GALNT13: variants seen among roughly 807,000 people sequenced by gnomAD.
GALNT13 encodes UDP-GalNAc:polypeptide N-acetylgalactosaminyltransferase 13.
A neutral mutation model predicts 64.2 loss-of-function variants in GALNT13; 28 were observed. The observed-to-expected ratio is 0.44, with a 90% confidence interval of 0.32 to 0.60. The LOEUF (loss-of-function observed/expected upper bound fraction) is 0.60, where lower values mean the gene tolerates loss of function less well. Ranked by LOEUF, GALNT13 falls within the 20% of genes least tolerant of loss-of-function variation. The pLI is 0.05. For missense variants in GALNT13, 577 were observed against 669.8 expected (o/e 0.86, Z 1.53); for synonymous variants, 214 against 224.6 (o/e 0.95, Z 0.42).
At chr2:153,906,414 G>A (rs1688568443) in intron 2 of GALNT13, among the ~76,000 whole-genome samples, 1 of 99,516 alleles carries the variant, frequency 1.0e-5, no homozygotes, top group Non-Finnish European at 1.9e-5. Context: ...CTCCACAACA[G>A]TCCCCAGAGT....
chr2:153,749,781 G>T, the GALNT13 span, among the ~76,000 whole-genome samples: 1 of 151,726 alleles, frequency 6.6e-6, no homozygotes, highest in African/African-American at 2.4e-5. Flanking sequence ...CTGCAAATAA[G>T]GATAATTTGA....
the GALNT13 span, among the ~76,000 whole-genome samples, chr2:153,808,254 A>G: frequency 6.6e-6 from 1 of 152,176 alleles, no homozygotes; most frequent in Admixed American, 6.5e-5. Flanking sequence ...TAGTTCAGCA[A>G]ACTGAAGTGT....
At chr2:154,319,000 G>A (rs920242431) in intron 9 of GALNT13, among the ~76,000 whole-genome samples, 1 of 152,040 alleles carries the variant, frequency 6.6e-6, no homozygotes, top group Non-Finnish European at 1.5e-5. Context: ...CATTGTACTG[G>A]TAAAGTTCAA....
chr2:153,096,058 A>C, the GALNT13 span, among the ~76,000 whole-genome samples: 1 of 151,914 alleles, frequency 6.6e-6, no homozygotes, highest in Non-Finnish European at 1.5e-5. Context: ...TAAATAAATA[A>C]ATAAATATAA....
chr2:153,944,011 T>C lies in GALNT13; in HGVS notation c.-104-383T>C, dbSNP rs147214595. 3.9e-3 allele frequency among the ~76,000 whole-genome samples: 592 copies of C among 152,282 alleles called. 2 individuals are homozygous for C. Among genetic ancestry groups the C allele is most frequent in the African/African-American group, 0.014 (567 of 41,552 alleles). Reference sequence around the variant, plus strand: ...ATTTTAGCCACTATAATATATTGTATCCCAGGATGATTTCTATTTCAGAAT... The same window carrying C: ...ATTTTAGCCACTATAATATATTGTACCCCAGGATGATTTCTATTTCAGAAT... On this transcript the variant is annotated intron_variant, in intron 2 of 12. Coordinates refer to ENST00000392825, the MANE Select transcript of GALNT13 (RefSeq NM_052917.4).
chr2:154,405,452 A>G (rs1463240584), intron 10 of GALNT13, among the ~76,000 whole-genome samples: 3 of 152,066 alleles, frequency 2.0e-5, no homozygotes, highest in African/African-American at 4.8e-5. Context: ...TAAAATGAAC[A>G]TTAATAACTA....
chr2:153,937,589 T>C (rs1161216148), intron 2 of GALNT13, among the ~76,000 whole-genome samples: 10 of 152,200 alleles, frequency 6.6e-5, no homozygotes, highest in African/African-American at 4.8e-5. Flanking sequence ...CTATATTGCA[T>C]TGTATACTTT....
At chr2:154,122,643 T>A (rs1682018890) in intron 3 of GALNT13, among the ~76,000 whole-genome samples, 1 of 151,988 alleles carries the variant, frequency 6.6e-6, no homozygotes, top group Non-Finnish European at 1.5e-5. Flanking sequence ...CTTGTGTATT[T>A]TGGTAGTTTT....
At chr2:153,422,449 T>G in the GALNT13 span, among the ~76,000 whole-genome samples, 2 of 152,198 alleles carry the variant, frequency 1.3e-5, no homozygotes, top group Admixed American at 6.5e-5. Flanking sequence ...TTACAAAAGA[T>G]GAGTAACTTC....
chr2:153,970,060 A>G (rs1224247378), intron 3 of GALNT13, among the ~76,000 whole-genome samples: 1 of 152,196 alleles, frequency 6.6e-6, no homozygotes, highest in African/African-American at 2.4e-5. Context: ...ATGAATTCAA[A>G]GCACAAGTGC....
intron 10 of GALNT13, among the ~76,000 whole-genome samples, chr2:154,396,819 A>G (rs1200399974): frequency 6.6e-6 from 1 of 151,950 alleles, no homozygotes; most frequent in Non-Finnish European, 1.5e-5. Context: ...ACACTCTGAG[A>G]ACCATTGATC....
the GALNT13 span, among the ~76,000 whole-genome samples, chr2:153,541,888 A>G: frequency 3.3e-5 from 5 of 152,174 alleles, no homozygotes; most frequent in African/African-American, 1.2e-4. Context: ...GTTATATGAA[A>G]CTATGATCAA....
intron 4 of GALNT13, among the ~76,000 whole-genome samples, chr2:154,229,753 A>T (rs1688816839): frequency 6.6e-6 from 1 of 152,050 alleles, no homozygotes; most frequent in Non-Finnish European, 1.5e-5. Context: ...AAAGCATGAG[A>T]GGGCTTTGTT....
At chr2:153,281,579 G>A in the GALNT13 span, among the ~76,000 whole-genome samples, 1 of 151,920 alleles carries the variant, frequency 6.6e-6, no homozygotes, top group Non-Finnish European at 1.5e-5. Flanking sequence ...TTGTAAGGCT[G>A]GTCTGCTGAA....
At chr2:154,439,240 C>T (rs540302330) in intron 12 of GALNT13, among the ~76,000 whole-genome samples, 1 of 152,256 alleles carries the variant, frequency 6.6e-6, no homozygotes, top group African/African-American at 2.4e-5. Flanking sequence ...TGAGTAGCCT[C>T]TTCTCAATAT....
the GALNT13 span, among the ~76,000 whole-genome samples, chr2:153,780,260 C>CATATATATATATATATATATGCAT: frequency 2.1e-4 from 24 of 115,242 alleles, 1 homozygote; most frequent in African/African-American, 5.8e-4. Context: ...TATATATATG[C>CATATATATATATATATATATGCAT]ATATATATAT....
intron 9 of GALNT13, among the ~76,000 whole-genome samples, chr2:154,305,132 A>G (rs1289078600): frequency 6.6e-6 from 1 of 152,236 alleles, no homozygotes; most frequent in South Asian, 2.1e-4. Context: ...TCAGAAATCT[A>G]TTATTTTTAT....
chr2:153,069,365 C>G, the GALNT13 span, among the ~76,000 whole-genome samples: 1 of 152,164 alleles, frequency 6.6e-6, no homozygotes, highest in Non-Finnish European at 1.5e-5. Flanking sequence ...CGCACGCCAT[C>G]TTACCTGGGA....
chr2:153,706,768 G>A, the GALNT13 span, among the ~76,000 whole-genome samples: 4 of 152,070 alleles, frequency 2.6e-5, no homozygotes, highest in Non-Finnish European at 5.9e-5. Flanking sequence ...ACGGCATAGT[G>A]GAAAACAAGG....
Sources: gnomAD v4.1 joint callset for allele counts (sites outside exome capture counted in the v4.1 genomes callset) on GRCh38, gnomAD v4.1.1 for gene constraint, MANE v1.5 for transcripts, NCBI Gene and HGNC (gene_info 2026-07-23, HGNC 2026-07-21) for gene names.